The following FRMD5 variants were observed in gnomAD, a reference collection of about 807,000 sequenced individuals.
FRMD5 encodes FERM domain-containing protein 5.
FRMD5 carries 20 observed loss-of-function variants against 69.0 expected under a neutral mutation model. That is an observed-to-expected ratio of 0.29 (90% CI 0.20 to 0.42). The LOEUF (loss-of-function observed/expected upper bound fraction) is 0.42. Ranked by LOEUF, FRMD5 falls within the 10% of genes least tolerant of loss-of-function variation. The pLI is 1.00. For missense variants in FRMD5, 595 were observed against 708.6 expected, an observed-to-expected ratio of 0.84 and a Z score of 1.82; for synonymous variants, 271 against 260.1, an observed-to-expected ratio of 1.04 and a Z score of -0.40.
intron 1 of FRMD5, among the ~76,000 whole-genome samples, chr15:43,978,289 G>C (rs1246490838): frequency 1.3e-5 from 2 of 152,088 alleles, no homozygotes; most frequent in Non-Finnish European, 2.9e-5. Context: ...AAACACAAAA[G>C]AGATACAGCT....
At chr15:44,044,499 G>T (rs1050462895) in intron 1 of FRMD5, among the ~76,000 whole-genome samples, 1 of 152,148 alleles carries the variant, frequency 6.6e-6, no homozygotes, top group African/African-American at 2.4e-5. Context: ...CAATAGCAAA[G>T]ACTTGGAACC....
In FRMD5 at chr15:43,873,375, G is replaced by A; in HGVS notation, c.*510C>T. On this transcript the variant is annotated 3_prime_UTR_variant, in exon 14 of 14. Transcript: ENST00000417257. The stretch of plus-strand genomic sequence containing the variant: ...AACAAAAAACTAAACAGTCCCCATT[G>A]TCCAGATCCCTGGCCTGCCCTGCTG... 3 of 1,453,170 alleles carry A rather than the reference G, an allele frequency of 2.1e-6. No individual in the cohort carries two copies. Among genetic ancestry groups the A allele is most frequent in the Non-Finnish European group, 9.0e-7 (1 of 1,111,670 alleles). 90.0% of individuals were successfully genotyped at this position (1,453,170 alleles called of 1,614,324 possible).
intron 5 of FRMD5, among the ~76,000 whole-genome samples, chr15:43,907,709 T>C (rs2089206610): frequency 6.6e-6 from 1 of 152,180 alleles, no homozygotes. Flanking sequence ...GGTTTCACCA[T>C]GTTGGCCAGG....
intron 1 of FRMD5, among the ~76,000 whole-genome samples, chr15:44,172,272 CTTTTTTTT>C (rs769999651): frequency 7.3e-6 from 1 of 137,462 alleles, no homozygotes; most frequent in East Asian, 2.1e-4. Context: ...TTCTCTTTTT[CTTTTTTTT>C]TTTTTTTTAA....
rs374936014 is a variant in FRMD5 at position 43,874,885 on chromosome 15, G to A, written c.1136-423C>T. Among the ~76,000 whole-genome samples the A allele has an allele frequency of 1.5e-4, 23 of 151,870 alleles. No individual in the cohort carries two copies. The East Asian group carries it at 4.3e-3, about 28-fold the overall frequency. On this transcript the variant is annotated intron_variant, in intron 13 of 13. Coordinates refer to ENST00000417257, the MANE Select transcript of FRMD5 (RefSeq NM_032892.5). ...ATTACACTCCATCCTCGGCAACAGA[G>A]TGAGTAAGATTCCATCTTAAAAAAA... is the stretch of plus-strand genomic sequence containing the variant.
chr15:43,981,761 T>G (rs1347371334), intron 1 of FRMD5, among the ~76,000 whole-genome samples: 1 of 152,234 alleles, frequency 6.6e-6, no homozygotes, highest in African/African-American at 2.4e-5. Flanking sequence ...CTACATCTTC[T>G]TCCTCATTGT....
intron 7 of FRMD5, 107 bp from the exon 8 acceptor site, chr15:43,892,176 ACAGAGGGAAAAGCATAT>A (rs1294462221): frequency 4.5e-5 from 42 of 930,088 alleles, no homozygotes; most frequent in Non-Finnish European, 6.9e-5. Flanking sequence ...GCAGTAGGTC[ACAGAGGGAAAAGCATAT>A]CATCTGGAAT....
intron 1 of FRMD5, among the ~76,000 whole-genome samples, chr15:44,020,289 TTATCACG>T (rs1208928246): frequency 1.3e-5 from 2 of 152,202 alleles, no homozygotes; most frequent in African/African-American, 4.8e-5. Context: ...TTCAGCTTTG[TTATCACG>T]TTTGCTCTTC....
intron 1 of FRMD5, among the ~76,000 whole-genome samples, 171 bp from the exon 2 acceptor site, chr15:43,924,480 C>T (rs2089548917): frequency 6.6e-6 from 1 of 152,116 alleles, no homozygotes; most frequent in African/African-American, 2.4e-5. Flanking sequence ...GTCTGGAATC[C>T]AGAGGCTTTT....
chr15:43,901,098 G>C (rs1313003593), intron 7 of FRMD5, among the ~76,000 whole-genome samples: 1 of 152,084 alleles, frequency 6.6e-6, no homozygotes, highest in Non-Finnish European at 1.5e-5. Flanking sequence ...GAGAAATCTG[G>C]ACAGAGACAT....
At chr15:44,077,578 TACTA>T (rs1893821264) in intron 1 of FRMD5, among the ~76,000 whole-genome samples, 3 of 151,522 alleles carry the variant, frequency 2.0e-5, no homozygotes, top group African/African-American at 4.8e-5. Context: ...GATGGGAAAA[TACTA>T]ACTTTTTACC....
chr15:44,125,725 C>T (rs1038306075), intron 1 of FRMD5, among the ~76,000 whole-genome samples: 6 of 152,194 alleles, frequency 3.9e-5, no homozygotes, highest in Non-Finnish European at 7.4e-5. Context: ...TCTTAACAGT[C>T]TTCCAAATTC....
At chr15:43,915,991 C>G (rs781068567) in intron 4 of FRMD5, among the ~76,000 whole-genome samples, 1 of 152,178 alleles carries the variant, frequency 6.6e-6, no homozygotes, top group Non-Finnish European at 1.5e-5. Flanking sequence ...GCTAATTCCA[C>G]AGGCTCACAG....
intron 13 of FRMD5, among the ~76,000 whole-genome samples, chr15:43,875,386 A>ATGTATG (rs1412871714): frequency 1.4e-5 from 2 of 142,286 alleles, no homozygotes; most frequent in African/African-American, 5.2e-5. Context: ...ATATATATAT[A>ATGTATG]TATATATGTA....
intron 1 of FRMD5, among the ~76,000 whole-genome samples, chr15:44,080,647 C>A (rs1766754794): frequency 6.6e-6 from 1 of 152,044 alleles, no homozygotes; most frequent in South Asian, 2.1e-4. Context: ...TGTTTGTATA[C>A]TTGTCTCTTT....
intron 1 of FRMD5, among the ~76,000 whole-genome samples, chr15:44,061,255 A>G (rs1893077572): frequency 6.6e-6 from 1 of 152,186 alleles, no homozygotes; most frequent in Non-Finnish European, 1.5e-5. Flanking sequence ...TCAATATCAT[A>G]GTTACTTAAC....
chr15:43,959,762 T>C (rs1022185608), intron 1 of FRMD5, among the ~76,000 whole-genome samples: 6 of 152,212 alleles, frequency 3.9e-5, no homozygotes, highest in Admixed American at 2.6e-4. Context: ...GATTTTTTTT[T>C]CCTAGACATT....
chr15:44,170,951 C>T (rs1035102319), intron 1 of FRMD5, among the ~76,000 whole-genome samples: 3 of 152,104 alleles, frequency 2.0e-5, no homozygotes. Flanking sequence ...CATTCCATGA[C>T]AAGATATACC....
intron 1 of FRMD5, among the ~76,000 whole-genome samples, chr15:44,104,760 CACA>C (rs2076691092): frequency 6.6e-6 from 1 of 152,120 alleles, no homozygotes; most frequent in Admixed American, 6.6e-5. Context: ...ATGATGTTCA[CACA>C]ACAAAATCAC....
Sources: allele counts gnomAD v4.1 joint callset (sites outside exome capture counted in the v4.1 genomes callset), GRCh38; gene constraint gnomAD v4.1.1; transcripts MANE v1.5; gene names NCBI Gene and HGNC (gene_info 2026-07-23, HGNC 2026-07-21).